Variants in SYNPR observed in about 807,000 individuals in gnomAD.
SYNPR encodes the protein synaptoporin.
In SYNPR, 23 loss-of-function variants were observed where a neutral mutation model predicts 32.9. The observed-to-expected ratio is 0.70, with a 90% CI of 0.50 to 0.99. The LOEUF (loss-of-function observed/expected upper bound fraction) is 0.99. Among genes scored for constraint, SYNPR ranks in the 50% least tolerant of loss-of-function variants. The probability of loss-of-function intolerance (pLI) is 0.00; values close to 1 mark genes in which losing one functional copy is unlikely to be tolerated. For synonymous variants in SYNPR, 146 were observed against 135.9 expected, an observed-to-expected ratio of 1.07 and a Z score of -0.52; for missense variants, 318 against 349.3, an observed-to-expected ratio of 0.91 and a Z score of 0.71.
intron 2 of SYNPR, among the ~76,000 whole-genome samples, chr3:63,446,833 T>C (rs1176289079): frequency 6.6e-6 from 1 of 152,160 alleles, no homozygotes; most frequent in Non-Finnish European, 1.5e-5. Flanking sequence ...TAACACAATA[T>C]TGAGTTCTTG....
At chr3:63,318,809 AT>A (rs2087073585) in intron 2 of SYNPR, among the ~76,000 whole-genome samples, 1 of 151,862 alleles carries the variant, frequency 6.6e-6, no homozygotes, top group African/African-American at 2.4e-5. Flanking sequence ...AACTAGTGTG[AT>A]TTTTGAGGGG....
intron 3 of SYNPR, among the ~76,000 whole-genome samples, chr3:63,529,765 G>T (rs1702077596): frequency 6.6e-6 from 1 of 152,186 alleles, no homozygotes; most frequent in South Asian, 2.1e-4. Flanking sequence ...GTCCCTAAAG[G>T]CCATGAACTA....
At chr3:63,401,031 C>T (rs1020974577) in intron 2 of SYNPR, among the ~76,000 whole-genome samples, 2 of 150,932 alleles carry the variant, frequency 1.3e-5, no homozygotes, top group East Asian at 1.9e-4. Flanking sequence ...AGATGCAATA[C>T]ACAAAAAAGG....
intron 2 of SYNPR, among the ~76,000 whole-genome samples, chr3:63,424,476 A>G (rs1699857007): frequency 6.6e-6 from 1 of 152,218 alleles, no homozygotes; most frequent in Admixed American, 6.5e-5. Flanking sequence ...AGAATGATTG[A>G]GACATTAAAT....
chr3:63,451,737 C>G (rs1203180987), intron 2 of SYNPR, among the ~76,000 whole-genome samples: 1 of 152,144 alleles, frequency 6.6e-6, no homozygotes, highest in Non-Finnish European at 1.5e-5. Context: ...AGTACAGATG[C>G]TCGGAGAAAG....
intron 2 of SYNPR, among the ~76,000 whole-genome samples, chr3:63,338,536 G>C (rs983752092): frequency 6.6e-6 from 1 of 152,192 alleles, no homozygotes; most frequent in Non-Finnish European, 1.5e-5. Flanking sequence ...AGAAGCTTCA[G>C]ATCCAAGTGG....
intron 3 of SYNPR, among the ~76,000 whole-genome samples, chr3:63,500,184 A>G (rs778727134): frequency 2.6e-5 from 4 of 152,154 alleles, no homozygotes; most frequent in Non-Finnish European, 5.9e-5. Flanking sequence ...GTTTGAGTAA[A>G]AACTCACTTT....
chr3:63,466,265 CT>C, intron 2 of SYNPR, among the ~76,000 whole-genome samples: 1 of 151,842 alleles, frequency 6.6e-6, no homozygotes, highest in East Asian at 1.9e-4. Context: ...TTCTCTTTTT[CT>C]TTTCTCTTTT....
intron 4 of SYNPR, among the ~76,000 whole-genome samples, chr3:63,565,123 T>G (rs1166181863): frequency 6.6e-6 from 1 of 152,168 alleles, no homozygotes; most frequent in African/African-American, 2.4e-5. Context: ...AAATGTGAAA[T>G]GTTTCTACTC....
intron 2 of SYNPR, among the ~76,000 whole-genome samples, chr3:63,295,288 T>A (rs1164870979): frequency 6.6e-6 from 1 of 152,208 alleles, no homozygotes; most frequent in African/African-American, 2.4e-5. Context: ...TGTTATGCCA[T>A]TTAGTTCTAA....
chr3:63,396,048 C>T (rs1420005825), intron 2 of SYNPR, among the ~76,000 whole-genome samples: 2 of 152,156 alleles, frequency 1.3e-5, no homozygotes, highest in African/African-American at 2.4e-5. Context: ...ACCACACAGG[C>T]ACAACCAACA....
intron 2 of SYNPR, among the ~76,000 whole-genome samples, chr3:63,395,376 T>C (rs1282875208): frequency 6.6e-6 from 1 of 152,244 alleles, no homozygotes; most frequent in African/African-American, 2.4e-5. Flanking sequence ...TCCACACATT[T>C]TCAGTGTGGC....
At chr3:63,451,862 A>C (rs1332574651) in intron 2 of SYNPR, among the ~76,000 whole-genome samples, 2 of 152,044 alleles carry the variant, frequency 1.3e-5, no homozygotes, top group Non-Finnish European at 2.9e-5. Context: ...TTGATCAGAA[A>C]ACTCGGTTAG....
At chr3:63,611,141 A>T (rs903981899) in intron 5 of SYNPR, among the ~76,000 whole-genome samples, 1 of 152,236 alleles carries the variant, frequency 6.6e-6, no homozygotes, top group African/African-American at 2.4e-5. Flanking sequence ...TTTTAACTAC[A>T]ACAGGAAAAA....
At chr3:63,415,067 T>C (rs901581275) in intron 2 of SYNPR, among the ~76,000 whole-genome samples, 2 of 152,212 alleles carry the variant, frequency 1.3e-5, no homozygotes, top group African/African-American at 4.8e-5. Flanking sequence ...AAACTTAAAA[T>C]TGAATGAGTT....
chr3:63,225,956 GA>G (rs1016624273), upstream of SYNPR, among the ~76,000 whole-genome samples: 152 of 147,282 alleles, frequency 1.0e-3, 1 homozygote, highest in African/African-American at 3.2e-3. Context: ...AACTCAACAG[GA>G]AAAAAAAAAT....
chr3:63,496,896 A>G (rs950354830), intron 3 of SYNPR, among the ~76,000 whole-genome samples: 1 of 152,132 alleles, frequency 6.6e-6, no homozygotes, highest in Non-Finnish European at 1.5e-5. Context: ...ACCAGGCACT[A>G]TGCTTGGCAA....
chr3:63,292,642 A>T (rs1358496622), intron 2 of SYNPR, among the ~76,000 whole-genome samples: 1 of 152,236 alleles, frequency 6.6e-6, no homozygotes, highest in African/African-American at 2.4e-5. Context: ...ATTCGCAAAG[A>T]TTAGTGGCAC....
At chr3:63,302,003 A>G (rs1236191863) in intron 2 of SYNPR, among the ~76,000 whole-genome samples, 1 of 152,086 alleles carries the variant, frequency 6.6e-6, no homozygotes, top group Non-Finnish European at 1.5e-5. Flanking sequence ...ACTTCATGGT[A>G]GGCACCCAAA....
Sources: gnomAD v4.1 joint callset for allele counts (sites outside exome capture counted in the v4.1 genomes callset) on GRCh38, gnomAD v4.1.1 for gene constraint, MANE v1.5 for transcripts, NCBI Gene and HGNC (gene_info 2026-07-23, HGNC 2026-07-21) for gene names.